Variants in YTHDC1 observed in about 807,000 individuals in gnomAD.
The protein encoded by YTHDC1 is YTH domain-containing protein 1.
A neutral mutation model predicts 107.0 loss-of-function variants in YTHDC1; 12 were observed. That is an observed-to-expected ratio of 0.11 (90% CI 0.07 to 0.18). The LOEUF (loss-of-function observed/expected upper bound fraction) is 0.18. YTHDC1 is among the 10% of genes least tolerant of loss of function. The pLI is 1.00. For synonymous variants in YTHDC1, 280 were observed against 289.5 expected, an observed-to-expected ratio of 0.97 and a Z score of 0.33; for missense variants, 635 against 898.8, an observed-to-expected ratio of 0.71 and a Z score of 3.75.
At chr4:68,344,853 T>A (rs1023535420) in intron 1 of YTHDC1, among the ~76,000 whole-genome samples, 1 of 152,106 alleles carries the variant, frequency 6.6e-6, no homozygotes, top group Non-Finnish European at 1.5e-5. Flanking sequence ...TTGGGCAACA[T>A]GATGAAACCC....
In YTHDC1 at chr4:68,318,597, A is replaced by G; in HGVS notation, c.1762-16T>C. On this transcript the variant is annotated splice_polypyrimidine_tract_variant and intron_variant, in intron 14 of 16. Transcript: ENST00000344157. ...CATTGTAGGACTAAAATAAAAGATG[A>G]TAATGTCAATATAATTAAAAATTAT... The G allele has an allele frequency of 6.2e-7, 1 of 1,609,612 alleles. No individual in the cohort carries two copies. The highest frequency in any genetic ancestry group is 8.5e-7 in the Non-Finnish European group (1 of 1,177,458).
intron 9 of YTHDC1, among the ~76,000 whole-genome samples, chr4:68,327,646 T>C (rs1302161098): frequency 6.6e-6 from 1 of 152,174 alleles, no homozygotes; most frequent in Non-Finnish European, 1.5e-5. Flanking sequence ...AATCTAATAA[T>C]TATTATATCT....
chr4:68,349,282 G>A (rs978837022), intron 1 of YTHDC1, among the ~76,000 whole-genome samples: 2 of 152,234 alleles, frequency 1.3e-5, no homozygotes, highest in African/African-American at 4.8e-5. Context: ...TAACCTGCCA[G>A]TGCCACTTCC....
intron 4 of YTHDC1, among the ~76,000 whole-genome samples, chr4:68,333,689 C>A (rs761457987): frequency 6.6e-6 from 1 of 151,114 alleles, no homozygotes; most frequent in Admixed American, 6.6e-5. Flanking sequence ...GTTTTCCAAG[C>A]GGGGGGGGAA....
intron 11 of YTHDC1, among the ~76,000 whole-genome samples, chr4:68,320,900 T>C (rs1722382097): frequency 6.6e-6 from 1 of 152,082 alleles, no homozygotes; most frequent in African/African-American, 2.4e-5. Context: ...CCAGAGACAA[T>C]GCCTTGTAAT....
chr4:68,331,029 T>C (rs1376754711), intron 7 of YTHDC1, among the ~76,000 whole-genome samples: 2 of 152,086 alleles, frequency 1.3e-5, no homozygotes, highest in Non-Finnish European at 2.9e-5. Context: ...CCAGGACCCA[T>C]GCAGATACCA....
At chr4:68,345,235 T>C (rs1425623349) in intron 1 of YTHDC1, among the ~76,000 whole-genome samples, 1 of 152,036 alleles carries the variant, frequency 6.6e-6, no homozygotes, top group Non-Finnish European at 1.5e-5. Context: ...GGTAGAAAAT[T>C]AACCTTTATC....
intron 1 of YTHDC1, among the ~76,000 whole-genome samples, chr4:68,342,023 T>C (rs761234703): frequency 1.3e-5 from 2 of 152,284 alleles, no homozygotes; most frequent in Admixed American, 6.5e-5. Flanking sequence ...ATGTGATATA[T>C]ATAAAATCTG....
rs747849324 is a variant in YTHDC1, at chr4:68,324,211, G to C, written c.1362C>G (p.Pro454=). ...TGGTGAGATGAGCCGACTTAGTGAA[G>C]GGTAATTCACGCCTAAATACAAAGT... ...KIDWICRREL[P]FTKSAHLTNP... The change falls in exon 10 of 17, where the codon CCC becomes CCG. Residue 454 remains proline (P), a synonymous_variant. Coordinates refer to ENST00000344157, the MANE Select transcript of YTHDC1 (RefSeq NM_001031732.4). 18 of 1,613,394 alleles carry C rather than the reference G, an allele frequency of 1.1e-5. No individual in the cohort carries two copies. In the South Asian group the frequency reaches 1.8e-4, roughly 16 times the overall value.
intron 9 of YTHDC1, among the ~76,000 whole-genome samples, chr4:68,327,150 C>T (rs369547148): frequency 4.6e-5 from 7 of 151,924 alleles, no homozygotes; most frequent in African/African-American, 1.7e-4. Context: ...GCAGAAGAAT[C>T]GCTTGAACCC....
intron 15 of YTHDC1, 87 bp from the exon 16 acceptor site, chr4:68,316,535 T>G: frequency 1.4e-6 from 2 of 1,474,166 alleles, no homozygotes; most frequent in Non-Finnish European, 1.8e-6. Context: ...AAAACACCAA[T>G]CCCAAACAAG....
chr4:68,330,373 A>G (rs1252530141), intron 7 of YTHDC1, 63 bp from the exon 8 acceptor site: 3 of 1,159,308 alleles, frequency 2.6e-6, no homozygotes, highest in African/African-American at 1.5e-5. Context: ...GTTTCCAGTT[A>G]TGTTTGAAAA....
rs1158706209 is a variant in YTHDC1, at chr4:68,332,132, G to A, written c.1093C>T (p.His365Tyr). ...GCTTTGGCAAGAGACACATTCTCAT[G>A]GTTGTTACTCTTTATGAGGAAAAAT... ...ARFFLIKSNNHENVSLAKAKG... is the reference protein window; with the variant it reads ...ARFFLIKSNNYENVSLAKAKG... The change falls in exon 7 of 17, where the codon CAT becomes TAT. Residue 365 changes from histidine to tyrosine, a missense_variant. By Grantham distance (83) the His-to-Tyr change is moderately conservative. Transcript: ENST00000344157. 1.9e-6 allele frequency: 3 copies of A among 1,609,028 alleles called. No homozygotes were observed.
In YTHDC1 at chr4:68,349,885, C is replaced by T; in HGVS notation, c.-132G>A. ...GCCCGGATACGCGCGTCGCACTTGG[C>T]CTCTTAACACTCAGCCTTCTCGACT... On this transcript the variant is annotated 5_prime_UTR_variant, in exon 1 of 17. Transcript: ENST00000344157. The T allele has an allele frequency of 8.2e-7, 1 of 1,221,478 alleles. No homozygotes were observed. The highest frequency in any genetic ancestry group is 1.5e-5 in the African/African-American group (1 of 67,042). 75.7% of individuals were successfully genotyped at this position (1,221,478 alleles called of 1,614,324 possible).
At chr4:68,315,295 A>G (rs1248702239) in intron 16 of YTHDC1, among the ~76,000 whole-genome samples, 2 of 152,320 alleles carry the variant, frequency 1.3e-5, no homozygotes, top group South Asian at 2.1e-4. Context: ...AGAAGTCATG[A>G]TAAGATTTGA....
intron 4 of YTHDC1, 132 bp downstream of exon 4, chr4:68,336,895 G>C (rs1724224997): frequency 8.0e-7 from 1 of 1,243,536 alleles, no homozygotes; most frequent in African/African-American, 1.5e-5. Flanking sequence ...ACATTCAAAA[G>C]CATATAAAGG....
chr4:68,349,377 G>A (rs1217009327), intron 1 of YTHDC1, among the ~76,000 whole-genome samples: 1 of 152,200 alleles, frequency 6.6e-6, no homozygotes, highest in African/African-American at 2.4e-5. Context: ...TGGTTGTCCT[G>A]AAAATACGCG....
rs2109664836 is a variant in YTHDC1 at position 68,311,620 on chromosome 4, T to C, written c.*2479A>G. The C allele has an allele frequency of 6.6e-6, 1 of 152,350 alleles. No homozygotes were observed. Among genetic ancestry groups the C allele is most frequent in the South Asian group, 2.1e-4 (1 of 4,822 alleles). 9.4% of individuals were successfully genotyped at this position (152,350 alleles called of 1,614,324 possible). A position where few individuals can be genotyped will look rare whatever the true frequency, so the allele number is the denominator to read the frequency against. On this transcript the variant is annotated 3_prime_UTR_variant, in exon 17 of 17. Transcript: ENST00000344157. ...GTACAGAAAAAAATCTTGCATTTTT[T>C]ATACAATGTTCCGGTAAGTTTATTT...
rs533343624 is a variant in YTHDC1, at chr4:68,310,654, T to C, written c.*3445A>G. 1 of 152,280 alleles carries C rather than the reference T, an allele frequency of 6.6e-6. No homozygotes were observed. Among genetic ancestry groups the C allele is most frequent in the South Asian group, 2.1e-4 (1 of 4,824 alleles). The allele number at this position is 152,280 out of a possible 1,614,324, so 9.4% of individuals were successfully genotyped here. A position where few individuals can be genotyped will look rare whatever the true frequency, so the allele number is the denominator to read the frequency against. On this transcript the variant is annotated 3_prime_UTR_variant, in exon 17 of 17. Transcript: ENST00000344157. ...TCCTGTGTGCCTCAATTTTAATATG[T>C]GTTTCAAACTGCATTTGGAATGTTT...
Sources: allele counts gnomAD v4.1 joint callset (sites outside exome capture counted in the v4.1 genomes callset), GRCh38; gene constraint gnomAD v4.1.1; transcripts MANE v1.5; gene names NCBI Gene and HGNC (gene_info 2026-07-23, HGNC 2026-07-21).